Variants in HEXA observed in about 807,000 individuals in gnomAD.
The protein encoded by HEXA is beta-hexosaminidase subunit alpha.
A neutral mutation model predicts 73.3 loss-of-function variants in HEXA; 54 were observed. The ratio of observed to expected loss-of-function variants is 0.74; its 90% confidence interval spans 0.59 to 0.92. The LOEUF is 0.92. Ranked by LOEUF, HEXA falls within the 40% of genes least tolerant of loss-of-function variation. The pLI, the probability that HEXA is intolerant of heterozygous loss-of-function variation, is 0.00. For missense variants in HEXA, 649 were observed against 653.0 expected (o/e 0.99, Z 0.07); for synonymous variants, 230 against 246.9 (o/e 0.93, Z 0.64).
chr15:72,353,662 A>G (rs1220523489), intron 4 of HEXA, 29 bp downstream of exon 4: 3 of 1,579,440 alleles, frequency 1.9e-6, no homozygotes, highest in Admixed American at 3.3e-5. Flanking sequence ...GAGATGAAAA[A>G]GGAGCCCTTT....
Position 72,350,794 on chromosome 15 carries a change from G to A in HEXA, c.673-144C>T, listed in dbSNP as rs1265904411. On this transcript the variant is annotated intron_variant, in intron 6 of 13. Transcript: ENST00000268097. ...GTCAGGGACTATCTTCAAAAAACTT[G>A]ATCATAATTTCCCAGAAGTTATCAC... The A allele has an allele frequency of 2.3e-5, 19 of 831,320 alleles. 1 individual carries two copies. The South Asian group carries it at 2.7e-4, about 12-fold the overall frequency. 51.5% of individuals were successfully genotyped at this position (831,320 alleles called of 1,614,324 possible).
chr15:72,353,335 C>A (rs2088727692), intron 4 of HEXA, among the ~76,000 whole-genome samples, 157 bp from the exon 5 acceptor site: 1 of 152,142 alleles, frequency 6.6e-6, no homozygotes. Context: ...CTATAAATGA[C>A]CATAAGCAGC....
chr15:72,375,995 G>A lies in HEXA; in HGVS notation c.-23C>T, dbSNP rs1326540126. 3.7e-6 allele frequency: 6 copies of A among 1,610,310 alleles called. No homozygotes were observed. The highest frequency in any genetic ancestry group is 1.3e-5 in the African/African-American group (1 of 74,922). On this transcript the variant is annotated 5_prime_UTR_variant, in exon 1 of 14. Transcript: ENST00000268097. ...CATGGCCCGCTGGTCTCCCCTCTCGGAGGGGGCTGGCCACGTGAGACCCTG... is the reference window on the plus strand; with the variant it reads ...CATGGCCCGCTGGTCTCCCCTCTCGAAGGGGGCTGGCCACGTGAGACCCTG...
intron 1 of HEXA, among the ~76,000 whole-genome samples, chr15:72,364,285 C>CA (rs1595808905): frequency 6.6e-6 from 1 of 150,584 alleles, no homozygotes; most frequent in African/African-American, 2.4e-5. Flanking sequence ...AACCCCAAAA[C>CA]AAAAAACAAA....
intron 2 of HEXA, 143 bp from the exon 3 acceptor site, chr15:72,355,767 G>A: frequency 1.5e-6 from 1 of 675,462 alleles, no homozygotes; most frequent in South Asian, 1.5e-5. Flanking sequence ...ATGAGGAGAT[G>A]TCCCCAGAGC....
At chr15:72,367,460 A>G (rs1406801926) in intron 1 of HEXA, among the ~76,000 whole-genome samples, 1 of 152,164 alleles carries the variant, frequency 6.6e-6, no homozygotes, top group Non-Finnish European at 1.5e-5. Context: ...TACAGCCATC[A>G]ACCCAACTTC....
chr15:72,349,309 A>C, intron 7 of HEXA, 50 bp from the exon 8 acceptor site: 1 of 1,400,436 alleles, frequency 7.1e-7, no homozygotes, highest in Non-Finnish European at 1.0e-6. Flanking sequence ...ATAAACCCCC[A>C]CGCACAGTCC....
rs769035623 is a variant in HEXA at position 72,375,740 on chromosome 15, C to G, written c.233G>C (p.Trp78Ser). ...CTCACCTGTGAGGTAAGGACGGGGC[C>G]AAGACCCGGAACCGAAAAGCAGGTC... is the stretch of plus-strand genomic sequence containing the variant. ...YRDLLFGSGS[W>S]PRPYLTGKRH... The change falls in exon 1 of 14, where the codon TGG becomes TCG. Residue 78 changes from tryptophan to serine, a missense_variant. Trp to Ser is a radical substitution (Grantham distance 177, BLOSUM62 -3). Coordinates refer to ENST00000268097, the MANE Select transcript of HEXA (RefSeq NM_000520.6). 1 of 1,614,160 alleles carries G rather than the reference C, an allele frequency of 6.2e-7. No individual in the cohort carries two copies. The highest frequency in any genetic ancestry group is 1.7e-5 in the Admixed American group (1 of 60,028).
At chr15:72,352,333 G>T (rs928273383) in intron 5 of HEXA, among the ~76,000 whole-genome samples, 10 of 151,340 alleles carry the variant, frequency 6.6e-5, no homozygotes, top group Non-Finnish European at 1.3e-4. Context: ...CAGGTGTAGT[G>T]ACTCATGCCT....
At chr15:72,352,672 T>C (rs1595801429) in intron 5 of HEXA, among the ~76,000 whole-genome samples, 1 of 151,776 alleles carries the variant, frequency 6.6e-6, no homozygotes, top group Admixed American at 6.6e-5. Flanking sequence ...CAATTTTTTT[T>C]TTTTTTTTTG....
intron 1 of HEXA, among the ~76,000 whole-genome samples, chr15:72,366,261 C>G (rs1011648455): frequency 1.3e-5 from 2 of 152,084 alleles, no homozygotes; most frequent in Non-Finnish European, 2.9e-5. Flanking sequence ...ATCTTCAGCT[C>G]TCCTTGTTAC....
At chr15:72,362,715 T>C (rs959494590) in intron 1 of HEXA, among the ~76,000 whole-genome samples, 1 of 152,122 alleles carries the variant, frequency 6.6e-6, no homozygotes, top group Non-Finnish European at 1.5e-5. Context: ...TCTTTCCACT[T>C]CTCTGAGAGG....
At chr15:72,365,992 T>C (rs752111817) in intron 1 of HEXA, among the ~76,000 whole-genome samples, 7 of 152,196 alleles carry the variant, frequency 4.6e-5, no homozygotes, top group Non-Finnish European at 1.0e-4. Context: ...ACCTGTGTAC[T>C]ACATATCATT....
chr15:72,369,752 A>T (rs1284857378), intron 1 of HEXA, among the ~76,000 whole-genome samples: 1 of 152,192 alleles, frequency 6.6e-6, no homozygotes, highest in Non-Finnish European at 1.5e-5. Flanking sequence ...CTTTCCCTCT[A>T]TATAACAACA....
chr15:72,375,590 G>C, intron 1 of HEXA, 130 bp downstream of exon 1: 1 of 946,348 alleles, frequency 1.1e-6, no homozygotes. Context: ...TGCAGCTCGA[G>C]GAGGAAGTGG....
Position 72,375,838 on chromosome 15 carries a change from T to C in HEXA, c.135A>G (p.Gln45=), listed in dbSNP as rs375574405. The part of the protein sequence containing the change: ...QRYVLYPNNF[Q]FQYDVSSAAQ... ...CGGCCGAGCTGACATCGTACTGGAA[T>C]TGAAAGTTGTTCGGGTAAAGGACGT... is the stretch of plus-strand genomic sequence containing the variant. The change falls in exon 1 of 14, where the codon CAA becomes CAG. Residue 45 remains glutamine, a synonymous_variant. Transcript: ENST00000268097. 8.7e-6 allele frequency: 14 copies of C among 1,614,120 alleles called. No homozygotes were observed. In the African/African-American group the frequency reaches 1.6e-4, roughly 18 times the overall value.
intron 12 of HEXA, chr15:72,345,821 C>A: frequency 1.8e-6 from 1 of 550,766 alleles, no homozygotes. Flanking sequence ...CCATCATTAA[C>A]CACAATGACA....
intron 1 of HEXA, among the ~76,000 whole-genome samples, chr15:72,374,752 C>T (rs1277695360): frequency 6.6e-6 from 1 of 152,194 alleles, no homozygotes; most frequent in Non-Finnish European, 1.5e-5. Flanking sequence ...GTACTGATTA[C>T]ATAGCTGCCT....
rs1268456777 is a variant in HEXA, at chr15:72,343,053, C to T, written c.*1024G>A. On this transcript the variant is annotated 3_prime_UTR_variant, in exon 14 of 14. Transcript: ENST00000268097. The stretch of plus-strand genomic sequence containing the variant: ...TGGCTAACACGGAGAAACCCCATCT[C>T]TACTAAAAATACAAAAAATTAGCCG... 6.6e-6 allele frequency: 1 copy of T among 152,226 alleles called. No individual in the cohort carries two copies. The highest frequency in any genetic ancestry group is 2.4e-5 in the African/African-American group (1 of 41,444). 9.4% of individuals were successfully genotyped at this position (152,226 alleles called of 1,614,324 possible).
Sources: allele counts gnomAD v4.1 joint callset (sites outside exome capture counted in the v4.1 genomes callset), GRCh38; gene constraint gnomAD v4.1.1; transcripts MANE v1.5; gene names NCBI Gene and HGNC (gene_info 2026-07-23, HGNC 2026-07-21).